The following CSMD1 variants were observed in gnomAD, a reference collection of about 807,000 sequenced individuals.
The protein encoded by CSMD1 is CUB and Sushi multiple domains 1.
A neutral mutation model predicts 417.5 loss-of-function variants in CSMD1; 213 were observed. The ratio of observed to expected loss-of-function variants is 0.51; its 90% CI spans 0.46 to 0.57. CSMD1 has a LOEUF of 0.57. Among genes scored for constraint, CSMD1 ranks in the 20% least tolerant of loss-of-function variants. The pLI, the probability that CSMD1 is intolerant of heterozygous loss-of-function variation, is 0.00. For missense variants in CSMD1, 6,923 were observed against 4,529.7 expected, an observed-to-expected ratio of 1.53 and a Z score of -15.17; for synonymous variants, 2,862 against 1,736.8, an observed-to-expected ratio of 1.65 and a Z score of -16.11.
chr8:3,666,299 C>T (rs1210894938), intron 7 of CSMD1, among the ~76,000 whole-genome samples: 1 of 152,116 alleles, frequency 6.6e-6, no homozygotes, highest in African/African-American at 2.4e-5. Context: ...ATTGTGAGAA[C>T]CGATGTGAAG....
At chr8:3,088,686 C>G (rs968467078) in intron 48 of CSMD1, among the ~76,000 whole-genome samples, 2 of 151,836 alleles carry the variant, frequency 1.3e-5, no homozygotes, top group African/African-American at 4.8e-5. Context: ...ATAAGAATCT[C>G]TTGATTCACA....
chr8:4,074,509 C>G (rs574060439), intron 3 of CSMD1, among the ~76,000 whole-genome samples: 2 of 152,136 alleles, frequency 1.3e-5, no homozygotes, highest in African/African-American at 4.8e-5. Flanking sequence ...TGATACTTTA[C>G]AAAACATGAT....
intron 2 of CSMD1, among the ~76,000 whole-genome samples, chr8:4,525,564 C>G (rs1796470651): frequency 6.6e-6 from 1 of 152,128 alleles, no homozygotes; most frequent in Non-Finnish European, 1.5e-5. Flanking sequence ...GAAATGATTG[C>G]ACATAAGAAA....
At chr8:4,888,071 T>G (rs1337392436) in intron 1 of CSMD1, among the ~76,000 whole-genome samples, 1 of 152,000 alleles carries the variant, frequency 6.6e-6, no homozygotes, top group East Asian at 1.9e-4. Flanking sequence ...GAAGATAAAC[T>G]TTCAACAATG....
At chr8:3,300,053 AAAC>A (rs936177377) in intron 25 of CSMD1, among the ~76,000 whole-genome samples, 3 of 152,218 alleles carry the variant, frequency 2.0e-5, no homozygotes, top group Non-Finnish European at 2.9e-5. Context: ...AAAAAATTAA[AAAC>A]AACCTGAATA....
In CSMD1 at chr8:3,305,866, G is replaced by A; in HGVS notation, c.3950+1829C>T. 2.0e-5 allele frequency among the ~76,000 whole-genome samples: 3 copies of A among 152,126 alleles called. No homozygotes were observed. The Middle Eastern group carries it at 0.01, about 517-fold the overall frequency. On this transcript the variant is annotated intron_variant, in intron 25 of 69. Transcript: ENST00000635120. ...GGCTAATTTTTTTGTATTTTTAGTAGAGAAGGGGTTTCACCATGTTAGCCA... is the reference window on the plus strand; with the variant it reads ...GGCTAATTTTTTTGTATTTTTAGTAAAGAAGGGGTTTCACCATGTTAGCCA...
At chr8:3,528,665 G>A (rs1031279089) in intron 10 of CSMD1, among the ~76,000 whole-genome samples, 1 of 152,076 alleles carries the variant, frequency 6.6e-6, no homozygotes, top group African/African-American at 2.4e-5. Context: ...TTGATTTCTG[G>A]GACATGGTGG....
At chr8:3,655,133 G>T (rs911946542) in intron 7 of CSMD1, among the ~76,000 whole-genome samples, 1 of 152,086 alleles carries the variant, frequency 6.6e-6, no homozygotes, top group African/African-American at 2.4e-5. Flanking sequence ...CCAAGCTTTA[G>T]CTATAGAGCT....
chr8:2,957,576 G>A (rs927544049), intron 63 of CSMD1, 120 bp downstream of exon 63: 3 of 701,894 alleles, frequency 4.3e-6, no homozygotes, highest in South Asian at 1.8e-5. Context: ...GAGGACATCC[G>A]AAAATTTAGG....
Position 2,955,788 on chromosome 8 carries a change from C to T in CSMD1, c.9815-20G>A, listed in dbSNP as rs371355119. 5.6e-6 allele frequency: 9 copies of T among 1,606,726 alleles called. No individual in the cohort carries two copies. Among genetic ancestry groups the T allele is most frequent in the Non-Finnish European group, 6.8e-6 (8 of 1,175,954 alleles). On this transcript the variant is annotated intron_variant, in intron 63 of 69. Coordinates refer to ENST00000635120, the MANE Select transcript of CSMD1 (RefSeq NM_033225.6). ...CATGAGCTGAAACAACATTAGGAAACATTGAGACTTTGTTTATTGTAAAGT... is the reference window on the plus strand; with the variant it reads ...CATGAGCTGAAACAACATTAGGAAATATTGAGACTTTGTTTATTGTAAAGT...
intron 3 of CSMD1, among the ~76,000 whole-genome samples, chr8:4,385,793 G>C (rs1003008042): frequency 6.6e-6 from 1 of 152,144 alleles, no homozygotes; most frequent in East Asian, 1.9e-4. Flanking sequence ...TATTTGTAGA[G>C]TGTTAATGTC....
intron 3 of CSMD1, among the ~76,000 whole-genome samples, chr8:4,072,183 G>C (rs112001283): frequency 6.6e-6 from 1 of 152,142 alleles, no homozygotes; most frequent in Non-Finnish European, 1.5e-5. Context: ...GTTTCCAGGT[G>C]TTTTTCTGTT....
At chr8:4,951,992 C>T (rs570174176) in intron 1 of CSMD1, among the ~76,000 whole-genome samples, 379 of 151,186 alleles carry the variant, frequency 2.5e-3, no homozygotes, top group Non-Finnish European at 4.3e-3. Context: ...CATAGTTTAT[C>T]TTAAAAGGTT....
At chr8:3,405,339 A>C (rs966323502) in intron 15 of CSMD1, among the ~76,000 whole-genome samples, 10 of 152,218 alleles carry the variant, frequency 6.6e-5, no homozygotes, top group Admixed American at 4.6e-4. Context: ...TAATTATTAG[A>C]GGCAACATCT....
At chr8:4,698,532 G>A (rs1740518754) in intron 1 of CSMD1, among the ~76,000 whole-genome samples, 1 of 151,868 alleles carries the variant, frequency 6.6e-6, no homozygotes. Flanking sequence ...CACCTACAGG[G>A]AAGTTTATTT....
intron 64 of CSMD1, among the ~76,000 whole-genome samples, chr8:2,955,195 A>T (rs999268976): frequency 6.6e-6 from 1 of 152,346 alleles, no homozygotes; most frequent in Admixed American, 6.5e-5. Flanking sequence ...TCATTTACCT[A>T]TTCTCGGATA....
chr8:4,872,043 A>G (rs962792409), intron 1 of CSMD1, among the ~76,000 whole-genome samples: 1 of 152,264 alleles, frequency 6.6e-6, no homozygotes, highest in Non-Finnish European at 1.5e-5. Context: ...TCCTGCAGAC[A>G]ATATTAATAA....
chr8:4,241,888 T>A (rs1260063979), intron 3 of CSMD1, among the ~76,000 whole-genome samples: 1 of 152,146 alleles, frequency 6.6e-6, no homozygotes, highest in African/African-American at 2.4e-5. Context: ...GGAGGCAGAA[T>A]GCAAGGCATA....
intron 7 of CSMD1, among the ~76,000 whole-genome samples, chr8:3,680,847 A>G (rs540365939): frequency 2.0e-5 from 3 of 152,330 alleles, no homozygotes; most frequent in African/African-American, 7.2e-5. Flanking sequence ...ACCATGATCA[A>G]GTGGGCTTCA....
Sources: gnomAD v4.1 joint callset for allele counts (sites outside exome capture counted in the v4.1 genomes callset) on GRCh38, gnomAD v4.1.1 for gene constraint, MANE v1.5 for transcripts, NCBI Gene and HGNC (gene_info 2026-07-23, HGNC 2026-07-21) for gene names.